CHM: variants seen among roughly 807,000 people sequenced by gnomAD.
The protein encoded by CHM is CHM Rab escort protein, also known as rab proteins geranylgeranyltransferase component A 1.
Under a neutral mutation model 49.0 loss-of-function variants are expected in CHM, and 10 were observed. The observed-to-expected ratio is 0.20, with a 90% CI of 0.13 to 0.35. The LOEUF is 0.35. Ranked by LOEUF, CHM falls within the 10% of genes least tolerant of loss-of-function variation. The pLI is 1.00. For synonymous variants in CHM, 184 were observed against 167.5 expected, an observed-to-expected ratio of 1.10 and a Z score of -0.76; for missense variants, 455 against 478.4, an observed-to-expected ratio of 0.95 and a Z score of 0.46.
intron 11 of CHM, among the ~76,000 whole-genome samples, chrX:85,898,020 T>A (rs1945957848): frequency 9.0e-6 from 1 of 110,832 alleles, no homozygotes; most frequent in Admixed American, 9.6e-5. Flanking sequence ...GAATTGTACG[T>A]CTCTTAACAG....
At chrX:85,928,788 C>T (rs936286177) in intron 8 of CHM, among the ~76,000 whole-genome samples, 3 of 111,402 alleles carry the variant, frequency 2.7e-5, no homozygotes, top group African/African-American at 9.8e-5. Flanking sequence ...TTAAGATAAA[C>T]ACTGGGCACA....
chrX:85,995,893 G>C (rs751798636), intron 2 of CHM, among the ~76,000 whole-genome samples: 5 of 111,496 alleles, frequency 4.5e-5, no homozygotes, highest in African/African-American at 1.6e-4. Flanking sequence ...AAGGAAAGGA[G>C]AAAACTAGGG....
intron 2 of CHM, among the ~76,000 whole-genome samples, chrX:86,021,944 A>G (rs373706979): frequency 1.8e-5 from 2 of 112,244 alleles, no homozygotes; most frequent in African/African-American, 3.2e-5. Context: ...ATAGTGCTGC[A>G]TAAGTACACT....
At chrX:85,908,272 C>T (rs1926726184) in intron 9 of CHM, among the ~76,000 whole-genome samples, 1 of 111,400 alleles carries the variant, frequency 9.0e-6, no homozygotes, top group Admixed American at 9.6e-5. Context: ...AAAAACTATC[C>T]CTCACTTTAT....
intron 2 of CHM, among the ~76,000 whole-genome samples, chrX:86,023,338 C>T (rs7883601): frequency 0.25 from 28,021 of 109,979 alleles, 2,620 homozygotes; most frequent in Non-Finnish European, 0.28. Flanking sequence ...AAACTTGTCA[C>T]TCTCTTTCAT....
chrX:86,002,772 G>T (rs892318964), intron 2 of CHM, among the ~76,000 whole-genome samples: 1 of 112,637 alleles, frequency 8.9e-6, no homozygotes, highest in African/African-American at 3.2e-5. Flanking sequence ...ACTCAGCAAG[G>T]CCTACTGCCT....
At chrX:85,934,826 T>G (rs771064154) in intron 8 of CHM, among the ~76,000 whole-genome samples, 1 of 111,151 alleles carries the variant, frequency 9.0e-6, no homozygotes, top group East Asian at 2.8e-4. Flanking sequence ...TGAGTAGGTA[T>G]AATAAGAAGG....
intron 2 of CHM, among the ~76,000 whole-genome samples, chrX:86,007,155 G>A (rs1932877094): frequency 8.9e-6 from 1 of 111,913 alleles, no homozygotes; most frequent in African/African-American, 3.3e-5. Flanking sequence ...AACAAGAAAT[G>A]GGGAAAGCAT....
At chrX:85,945,441 T>C (rs1049650611) in intron 8 of CHM, among the ~76,000 whole-genome samples, 1 of 104,524 alleles carries the variant, frequency 9.6e-6, no homozygotes, top group Non-Finnish European at 2.0e-5. Flanking sequence ...CCTCTCTCTC[T>C]CTCTCTCGTT....
chrX:85,937,210 G>A (rs1289921551), intron 8 of CHM, among the ~76,000 whole-genome samples: 1 of 104,054 alleles, frequency 9.6e-6, no homozygotes, highest in Non-Finnish European at 2.0e-5. Context: ...AGGCTGCAGT[G>A]AGCCAAGATT....
chrX:86,001,930 G>A (rs998769041), intron 2 of CHM, among the ~76,000 whole-genome samples: 2 of 111,197 alleles, frequency 1.8e-5, no homozygotes, highest in African/African-American at 6.5e-5. Context: ...GCCCCATGGT[G>A]TAATGGTCAA....
chrX:85,981,679 G>T, intron 3 of CHM, 58 bp downstream of exon 3: 1 of 839,129 alleles, frequency 1.2e-6, no homozygotes, highest in East Asian at 3.3e-5. Flanking sequence ...TCAGTGCAGG[G>T]TTACTATGTA....
At chrX:85,871,116 T>C (rs1358460901) in intron 14 of CHM, among the ~76,000 whole-genome samples, 1 of 106,523 alleles carries the variant, frequency 9.4e-6, no homozygotes, top group African/African-American at 3.4e-5. Context: ...ATTGAGACCA[T>C]CCTGGCTAAC....
intron 2 of CHM, among the ~76,000 whole-genome samples, chrX:85,990,547 A>G (rs1932130639): frequency 8.9e-6 from 1 of 111,745 alleles, no homozygotes; most frequent in South Asian, 3.7e-4. Context: ...GCTTATTCAG[A>G]GTGCCACCTA....
In CHM at chrX:86,027,406, G is replaced by A. The variant is rs1400397707; in HGVS notation, c.116+85C>T. On this transcript the variant is annotated intron_variant, in intron 2 of 14. Coordinates refer to ENST00000357749, the MANE Select transcript of CHM (RefSeq NM_000390.4). Reference sequence around the variant, plus strand: ...ATGATATACACATACATGTACATACGTACAGACATATATGTGTTTATGTAA... The same window carrying A: ...ATGATATACACATACATGTACATACATACAGACATATATGTGTTTATGTAA... The A allele has an allele frequency of 1.8e-5, 14 of 758,450 alleles. No individual in the cohort carries two copies. In the African/African-American group the frequency reaches 1.9e-4, roughly 10 times the overall value. The allele number at this position is 758,450 out of a possible 1,213,427, so 62.5% of individuals were successfully genotyped here.
At chrX:85,970,813 G>T in intron 4 of CHM, 1 of 311,079 alleles carries the variant, frequency 3.2e-6, no homozygotes, top group Non-Finnish European at 4.3e-6. Flanking sequence ...ATATTAAGTA[G>T]CCCACTTATT....
At chrX:85,931,877 C>G (rs1051223131) in intron 8 of CHM, among the ~76,000 whole-genome samples, 4 of 112,370 alleles carry the variant, frequency 3.6e-5, no homozygotes, top group African/African-American at 1.3e-4. Flanking sequence ...AACAAGAGGG[C>G]ATCCTGCCAG....
chrX:86,001,665 G>A (rs759012847), intron 2 of CHM, among the ~76,000 whole-genome samples: 30 of 110,255 alleles, frequency 2.7e-4, no homozygotes, highest in Non-Finnish European at 3.4e-4. Context: ...TTATCATCAA[G>A]GGGATGGTGC....
At chrX:85,985,403 T>C (rs888099917) in intron 2 of CHM, among the ~76,000 whole-genome samples, 3 of 112,219 alleles carry the variant, frequency 2.7e-5, no homozygotes, top group East Asian at 2.8e-4. Flanking sequence ...CAAAAGAGAT[T>C]TGAAACCTCC....
Sources: allele counts gnomAD v4.1 joint callset (sites outside exome capture counted in the v4.1 genomes callset), GRCh38; gene constraint gnomAD v4.1.1; transcripts MANE v1.5; gene names NCBI Gene and HGNC (gene_info 2026-07-23, HGNC 2026-07-21).